The following SLC17A4 variants were observed in gnomAD, a reference collection of about 807,000 sequenced individuals.
The protein encoded by SLC17A4 is solute carrier family 17 member 4.
In SLC17A4, 33 loss-of-function variants were observed where a neutral mutation model predicts 52.5. The observed-to-expected ratio is 0.63, with a 90% CI of 0.48 to 0.84. The LOEUF is 0.84. Among genes scored for constraint, SLC17A4 ranks in the 40% least tolerant of loss-of-function variants. The probability of loss-of-function intolerance (pLI) is 0.00; values close to 1 mark genes in which losing one functional copy is unlikely to be tolerated. For missense variants in SLC17A4, 585 were observed against 597.1 expected (o/e 0.98, Z 0.21); for synonymous variants, 225 against 216.2 (o/e 1.04, Z -0.36).
intron 2 of SLC17A4, among the ~76,000 whole-genome samples, chr6:25,763,744 G>A (rs953888599): frequency 1.3e-5 from 2 of 152,116 alleles, no homozygotes; most frequent in African/African-American, 4.8e-5. Context: ...GGGCCTTCAG[G>A]TTCTGCCTGA....
intron 2 of SLC17A4, 26 bp from the exon 3 acceptor site, chr6:25,768,959 G>C (rs754080417): frequency 6.2e-7 from 1 of 1,608,180 alleles, no homozygotes; most frequent in Non-Finnish European, 8.5e-7. Flanking sequence ...TTCTGATTGT[G>C]ATTTTTCATG....
At position 25,769,182 on chromosome 6, in the gene SLC17A4, A is replaced by G; in HGVS notation, c.289A>G (p.Lys97Glu). 1 of 1,613,776 alleles carries G rather than the reference A, an allele frequency of 6.2e-7. No homozygotes were observed. Among genetic ancestry groups the G allele is most frequent in the Non-Finnish European group, 8.5e-7 (1 of 1,179,732 alleles). The change falls in exon 3 of 12, where the codon AAA becomes GAA. Residue 97 changes from lysine to glutamate, a missense_variant. Coordinates refer to ENST00000377905, the MANE Select transcript of SLC17A4 (RefSeq NM_005495.3). ...GYWNETLKEF[K>E]AMAPAYDWSP... ...CTGGAATGAAACTCTAAAAGAATTT[A>G]AAGCAATGGTAAGTTTAATGAGACT...
At chr6:25,778,421 C>A (rs1763120071) in intron 11 of SLC17A4, among the ~76,000 whole-genome samples, 1 of 152,064 alleles carries the variant, frequency 6.6e-6, no homozygotes, top group Non-Finnish European at 1.5e-5. Flanking sequence ...CTTCTCTTTT[C>A]TTGAAGCTTC....
intron 1 of SLC17A4, among the ~76,000 whole-genome samples, chr6:25,760,591 A>G (rs1042273989): frequency 1.3e-5 from 2 of 152,112 alleles, no homozygotes; most frequent in African/African-American, 2.4e-5. Flanking sequence ...TTGTCCTCCT[A>G]GAAGTCCTAT....
intron 2 of SLC17A4, among the ~76,000 whole-genome samples, chr6:25,768,671 C>T (rs558742531): frequency 6.6e-6 from 1 of 152,274 alleles, no homozygotes; most frequent in African/African-American, 2.4e-5. Context: ...CCAGCCAATT[C>T]TTTCTCTAAA....
chr6:25,775,861 G>A (rs1762869291), intron 8 of SLC17A4, among the ~76,000 whole-genome samples: 1 of 152,088 alleles, frequency 6.6e-6, no homozygotes, highest in African/African-American at 2.4e-5. Context: ...TTATATACTA[G>A]GTTTTTGCCA....
rs142556117 is a variant in SLC17A4 at position 25,776,929 on chromosome 6, C to T, written c.1238C>T (p.Ala413Val). ...ATCAGCAGCTTCTGTGAATCAGGAG[C>T]CCTTGTTAACTTCTTGGATATTGCT... ...SAISSFCESG[A>V]LVNFLDIAPR... Residue 413 changes from alanine to valine, a missense_variant, in exon 10 of 12, where the codon GCC becomes GTC. Physicochemically the swap from Ala to Val is moderately conservative, Grantham distance 64 (BLOSUM62 0). Coordinates refer to ENST00000377905, the MANE Select transcript of SLC17A4 (RefSeq NM_005495.3). 1 of 1,613,426 alleles carries T rather than the reference C, an allele frequency of 6.2e-7. No homozygotes were observed. Among genetic ancestry groups the T allele is most frequent in the Non-Finnish European group, 8.5e-7 (1 of 1,179,626 alleles).
intron 2 of SLC17A4, among the ~76,000 whole-genome samples, chr6:25,762,629 A>T (rs1761642873): frequency 6.6e-6 from 1 of 152,220 alleles, no homozygotes; most frequent in African/African-American, 2.4e-5. Context: ...AATGACTTCA[A>T]AAGGCAAAAC....
chr6:25,779,354 G>T lies in SLC17A4; in HGVS notation c.*166G>T, dbSNP rs374642639. The stretch of plus-strand genomic sequence containing the variant: ...GAAATTTTACAGGGGAAGAAAACAC[G>T]CTAGTTATTTAACTGCAAGCTACTA... On this transcript the variant is annotated 3_prime_UTR_variant, in exon 12 of 12. Transcript: ENST00000377905. 4.8e-5 allele frequency: 41 copies of T among 860,176 alleles called. 1 individual carries two copies. The South Asian group carries it at 7.6e-4, about 16-fold the overall frequency. 53.3% of individuals were successfully genotyped at this position (860,176 alleles called of 1,614,324 possible). A position where few individuals can be genotyped will look rare whatever the true frequency, so the allele number is the denominator to read the frequency against.
chr6:25,772,118 G>T (rs1045055791), intron 6 of SLC17A4, among the ~76,000 whole-genome samples: 3 of 152,106 alleles, frequency 2.0e-5, no homozygotes, highest in Non-Finnish European at 4.4e-5. Flanking sequence ...AATATGTAAT[G>T]ATTCCATAGC....
At chr6:25,756,091 AC>A (rs1249477585) in intron 1 of SLC17A4, among the ~76,000 whole-genome samples, 4 of 152,030 alleles carry the variant, frequency 2.6e-5, no homozygotes, top group Non-Finnish European at 5.9e-5. Flanking sequence ...CTTGTCCTTT[AC>A]AGCCCATGTG....
rs149917894 is a variant in SLC17A4, at chr6:25,773,569, C to A, written c.882C>A (p.Leu294=). ...GGGCTATGATCAAATCCTTACCACT[C>A]TGGGCCATTTTAGTCTCTTATTTCT... The part of the protein sequence containing the change: ...PIRAMIKSLP[L]WAILVSYFCE... The change falls in exon 8 of 12, where the codon CTC becomes CTA. Residue 294 remains leucine (L), a synonymous_variant. Transcript: ENST00000377905. The A allele has an allele frequency of 1.7e-5, 27 of 1,613,876 alleles. No individual in the cohort carries two copies. In the African/African-American group the frequency reaches 3.2e-4, roughly 19 times the overall value.
At chr6:25,773,438 C>T (rs1039146744) in intron 7 of SLC17A4, 45 bp downstream of exon 7, 9 of 1,611,490 alleles carry the variant, frequency 5.6e-6, no homozygotes, top group South Asian at 4.4e-5. Flanking sequence ...TCCCTCTAGA[C>T]GTCTGAGAGA....
intron 1 of SLC17A4, among the ~76,000 whole-genome samples, chr6:25,760,163 G>T (rs952060119): frequency 9.2e-5 from 14 of 152,210 alleles, no homozygotes; most frequent in African/African-American, 2.6e-4. Flanking sequence ...AATAGGATCT[G>T]GTTCTTTTAA....
chr6:25,769,924 A>G (rs993185083), intron 3 of SLC17A4, 143 bp from the exon 4 acceptor site: 49 of 716,458 alleles, frequency 6.8e-5, no homozygotes, highest in Non-Finnish European at 1.1e-4. Flanking sequence ...GGGTTTTTAA[A>G]TACATGATAC....
intron 1 of SLC17A4, among the ~76,000 whole-genome samples, chr6:25,759,523 T>C (rs1761343976): frequency 6.6e-6 from 1 of 152,198 alleles, no homozygotes; most frequent in African/African-American, 2.4e-5. Context: ...TATTTTCCTG[T>C]AGTCCTTTTG....
At chr6:25,757,816 C>T (rs1761154084) in intron 1 of SLC17A4, among the ~76,000 whole-genome samples, 1 of 152,210 alleles carries the variant, frequency 6.6e-6, no homozygotes, top group Non-Finnish European at 1.5e-5. Context: ...CTGGGGGCAT[C>T]CACCAGTCCT....
intron 5 of SLC17A4, 37 bp from the exon 6 acceptor site, chr6:25,770,889 T>C: frequency 6.6e-7 from 1 of 1,524,500 alleles, no homozygotes; most frequent in Non-Finnish European, 9.1e-7. Flanking sequence ...CCAAGACGAG[T>C]CCTCTCACCC....
rs758267240 is a variant in SLC17A4 at position 25,777,914 on chromosome 6, T to G, written c.1269-12T>G. 3.1e-6 allele frequency: 5 copies of G among 1,601,250 alleles called. No individual in the cohort carries two copies. In the South Asian group the frequency reaches 5.5e-5, roughly 18 times the overall value. On this transcript the variant is annotated splice_polypyrimidine_tract_variant and intron_variant, in intron 10 of 11. Transcript: ENST00000377905. The stretch of plus-strand genomic sequence containing the variant: ...TACTTGGTTATAATAGAGTACCATC[T>G]CTCTCTCTCAGGTACACTGGCTTTC...
Sources: gnomAD v4.1 joint callset for allele counts (sites outside exome capture counted in the v4.1 genomes callset) on GRCh38, gnomAD v4.1.1 for gene constraint, MANE v1.5 for transcripts, NCBI Gene and HGNC (gene_info 2026-07-23, HGNC 2026-07-21) for gene names.